The following ZNF385D variants were observed in gnomAD, a reference collection of about 807,000 sequenced individuals.
ZNF385D encodes the protein zinc finger protein 659.
Under a neutral mutation model 35.8 loss-of-function variants are expected in ZNF385D, and 15 were observed. That is an observed-to-expected ratio of 0.42 (90% CI 0.28 to 0.64). ZNF385D has a LOEUF of 0.64. ZNF385D is among the 30% of genes least tolerant of loss of function. The pLI, the probability that ZNF385D is intolerant of heterozygous loss-of-function variation, is 0.23. For missense variants in ZNF385D, 474 were observed against 494.6 expected, an observed-to-expected ratio of 0.96 and a Z score of 0.39; for synonymous variants, 212 against 186.8, an observed-to-expected ratio of 1.13 and a Z score of -1.10.
intron 3 of ZNF385D, among the ~76,000 whole-genome samples, chr3:21,807,546 AT>A (rs1377478900): frequency 6.6e-6 from 1 of 152,192 alleles, no homozygotes; most frequent in Non-Finnish European, 1.5e-5. Context: ...TTTTCAGCTT[AT>A]TAAAAATATT....
chr3:22,297,240 TC>T (rs1332716870), intron 2 of ZNF385D, among the ~76,000 whole-genome samples: 1 of 151,756 alleles, frequency 6.6e-6, no homozygotes, highest in South Asian at 2.1e-4. Flanking sequence ...CAACCCCAGA[TC>T]CCCCCAATAG....
intron 2 of ZNF385D, among the ~76,000 whole-genome samples, chr3:22,207,981 G>C (rs948168895): frequency 2.6e-5 from 4 of 151,878 alleles, no homozygotes; most frequent in African/African-American, 9.7e-5. Flanking sequence ...CTGTGGATGG[G>C]AATGTAAATT....
At chr3:21,953,956 CAGATTTATAAA>C (rs1484732782) in intron 3 of ZNF385D, among the ~76,000 whole-genome samples, 1 of 151,906 alleles carries the variant, frequency 6.6e-6, no homozygotes, top group Admixed American at 6.6e-5. Context: ...TTTGCTGAGC[CAGATTTATAAA>C]ATCGTGGATA....
intron 3 of ZNF385D, among the ~76,000 whole-genome samples, chr3:22,145,010 A>ATGTGTGTGTGTGTG (rs36060381): frequency 4.7e-5 from 7 of 148,930 alleles, no homozygotes; most frequent in African/African-American, 1.5e-4. Context: ...GAAGATACAT[A>ATGTGTGTGTGTGTG]TGTGTGTGTG....
At chr3:21,443,070 A>C in intron 4 of ZNF385D, 3 of 923,742 alleles carry the variant, frequency 3.2e-6, no homozygotes, top group Non-Finnish European at 3.9e-6. Flanking sequence ...CCCGTCTGCT[A>C]GAGTGGTATA....
At chr3:22,041,946 A>C (rs959581500) in intron 3 of ZNF385D, among the ~76,000 whole-genome samples, 1 of 152,180 alleles carries the variant, frequency 6.6e-6, no homozygotes, top group East Asian at 1.9e-4. Context: ...CAAAGCAATT[A>C]TTGGTGGCTG....
chr3:21,507,452 T>C (rs1048585517), intron 4 of ZNF385D, among the ~76,000 whole-genome samples: 1 of 152,214 alleles, frequency 6.6e-6, no homozygotes, highest in African/African-American at 2.4e-5. Context: ...ATCTTTTATA[T>C]ATGGACAAGC....
intron 3 of ZNF385D, chr3:21,563,303 GCCTCCGGAACTGTGAGAAAT>G (rs1409051193): frequency 1.3e-5 from 2 of 152,452 alleles, no homozygotes; most frequent in Non-Finnish European, 2.9e-5. Context: ...GGACTTCTCA[GCCTCCGGAACTGTGAGAAAT>G]AAATTTCTGT....
intron 2 of ZNF385D, among the ~76,000 whole-genome samples, chr3:21,632,932 TTGA>T (rs1275458181): frequency 6.6e-6 from 1 of 152,148 alleles, no homozygotes; most frequent in African/African-American, 2.4e-5. Flanking sequence ...ATTTATTTAC[TTGA>T]TGAATTCATT....
chr3:22,156,405 T>C (rs925861381), intron 3 of ZNF385D, among the ~76,000 whole-genome samples: 1 of 152,046 alleles, frequency 6.6e-6, no homozygotes, highest in African/African-American at 2.4e-5. Context: ...CCTGCACAGA[T>C]GGATTACATG....
chr3:21,416,473 T>G lies in ZNF385D; in HGVS notation c.*4741A>C, dbSNP rs1348855247. On this transcript the variant is annotated 3_prime_UTR_variant, in exon 8 of 8. Transcript: ENST00000281523. ...GCATGACATGTCAACCTATCCGTCT[T>G]TCACTGGACACCCTGATACCACTCT... 6.6e-6 allele frequency: 1 copy of G among 152,140 alleles called. No homozygotes were observed. Among genetic ancestry groups the G allele is most frequent in the African/African-American group, 2.4e-5 (1 of 41,402 alleles). The allele number at this position is 152,140 out of a possible 1,614,324, so 9.4% of individuals were successfully genotyped here.
chr3:22,044,284 G>A (rs1165332580), intron 3 of ZNF385D, among the ~76,000 whole-genome samples: 1 of 151,884 alleles, frequency 6.6e-6, no homozygotes, highest in Non-Finnish European at 1.5e-5. Context: ...AGTCGTCTTT[G>A]GAAATCTGAA....
chr3:21,522,842 A>G (rs960923971), intron 3 of ZNF385D, among the ~76,000 whole-genome samples: 4 of 152,174 alleles, frequency 2.6e-5, no homozygotes, highest in Non-Finnish European at 5.9e-5. Context: ...CTGCCTGGCT[A>G]TGTAGGCAGG....
At chr3:21,946,773 A>T (rs1240924903) in intron 3 of ZNF385D, among the ~76,000 whole-genome samples, 2 of 152,252 alleles carry the variant, frequency 1.3e-5, no homozygotes, top group Non-Finnish European at 2.9e-5. Flanking sequence ...CGGAGGTTGC[A>T]GTGAGCCGAA....
intron 3 of ZNF385D, among the ~76,000 whole-genome samples, chr3:21,988,424 T>G (rs559503458): frequency 1.8e-4 from 23 of 131,286 alleles, no homozygotes; most frequent in Middle Eastern, 3.6e-3. Context: ...TGGAATACCC[T>G]GCCGTGTGAG....
At chr3:21,488,055 G>T (rs894784942) in intron 4 of ZNF385D, among the ~76,000 whole-genome samples, 13 of 151,774 alleles carry the variant, frequency 8.6e-5, no homozygotes, top group Non-Finnish European at 1.5e-5. Context: ...TTTGAAAATT[G>T]AACTTACATA....
At chr3:21,989,815 T>A (rs1340452858) in intron 3 of ZNF385D, among the ~76,000 whole-genome samples, 3 of 152,228 alleles carry the variant, frequency 2.0e-5, no homozygotes, top group Non-Finnish European at 4.4e-5. Flanking sequence ...ACTTACTATC[T>A]TTTTTGGCAC....
intron 3 of ZNF385D, among the ~76,000 whole-genome samples, chr3:21,874,848 T>G (rs1190582137): frequency 2.6e-5 from 4 of 152,124 alleles, no homozygotes; most frequent in African/African-American, 9.7e-5. Context: ...ATATTAAGTA[T>G]TTCAATTCAT....
chr3:22,134,461 A>G (rs1252155426), intron 3 of ZNF385D: 8 of 152,168 alleles, frequency 5.3e-5, no homozygotes, highest in Admixed American at 5.2e-4. Flanking sequence ...ACTAGACAGA[A>G]AATCTGGAAG....
Sources: gnomAD v4.1 joint callset for allele counts (sites outside exome capture counted in the v4.1 genomes callset) on GRCh38, gnomAD v4.1.1 for gene constraint, MANE v1.5 for transcripts, NCBI Gene and HGNC (gene_info 2026-07-23, HGNC 2026-07-21) for gene names.